Variants in MAPK10 observed in about 807,000 individuals in gnomAD.
The protein encoded by MAPK10 is JNK3 alpha protein kinase.
A neutral mutation model predicts 59.3 loss-of-function variants in MAPK10; 25 were observed. That is an observed-to-expected ratio of 0.42 (90% confidence interval 0.31 to 0.59). The LOEUF (loss-of-function observed/expected upper bound fraction) is 0.59, where lower values mean the gene tolerates loss of function less well. Ranked by LOEUF, MAPK10 falls within the 20% of genes least tolerant of loss-of-function variation. The pLI, the probability that MAPK10 is intolerant of heterozygous loss-of-function variation, is 0.15. For synonymous variants in MAPK10, 190 were observed against 200.5 expected, an observed-to-expected ratio of 0.95 and a Z score of 0.44; for missense variants, 351 against 568.9, an observed-to-expected ratio of 0.62 and a Z score of 3.90.
chr4:86,455,813 A>T (rs1379129364), upstream of MAPK10, among the ~76,000 whole-genome samples: 1 of 152,216 alleles, frequency 6.6e-6, no homozygotes, highest in Non-Finnish European at 1.5e-5. Flanking sequence ...TAGACTTAAC[A>T]GATATTTACA....
rs550174161 is a variant in MAPK10 at position 86,274,317 on chromosome 4, G to A, written c.-6-79910C>T. ...TATCATTTGTGTGAGTTTTTTTCCA[G>A]GAAATCCAAATATCTGGTTCAAAGT... is the stretch of plus-strand genomic sequence containing the variant. On this transcript the variant is annotated intron_variant, in intron 2 of 13. Transcript: ENST00000641462. 1.3e-4 allele frequency among the ~76,000 whole-genome samples: 19 copies of A among 151,780 alleles called. 1 individual carries two copies. The South Asian group carries it at 3.9e-3, about 31-fold the overall frequency.
At chr4:86,549,692 T>TA (rs1759602785) in intron 1 of MAPK10, among the ~76,000 whole-genome samples, 1 of 152,118 alleles carries the variant, frequency 6.6e-6, no homozygotes, top group African/African-American at 2.4e-5. Context: ...ATGAAGAGCA[T>TA]GTTAGACCAG....
At chr4:86,299,755 GAA>G (rs2095433703) in intron 2 of MAPK10, among the ~76,000 whole-genome samples, 1 of 152,078 alleles carries the variant, frequency 6.6e-6, no homozygotes, top group Non-Finnish European at 1.5e-5. Context: ...AAGCATCCAG[GAA>G]AAGAGTTTAA....
At chr4:86,477,887 C>T (rs1372843546) in intron 1 of MAPK10, among the ~76,000 whole-genome samples, 1 of 152,170 alleles carries the variant, frequency 6.6e-6, no homozygotes, top group Non-Finnish European at 1.5e-5. Context: ...CCTCTCTTTG[C>T]TTTCACTTGG....
chr4:86,476,524 C>T (rs1753106378), intron 1 of MAPK10, among the ~76,000 whole-genome samples: 1 of 152,162 alleles, frequency 6.6e-6, no homozygotes, highest in South Asian at 2.1e-4. Flanking sequence ...GGCAGCAACC[C>T]TGAGACGCTT....
intron 3 of MAPK10, among the ~76,000 whole-genome samples, chr4:86,159,775 C>T (rs921979970): frequency 3.3e-5 from 5 of 151,898 alleles, no homozygotes; most frequent in Non-Finnish European, 7.4e-5. Context: ...ATAGAATAAA[C>T]ATCTATAGCT....
chr4:86,545,356 T>TAAA (rs1759064837), intron 1 of MAPK10, among the ~76,000 whole-genome samples: 1 of 152,154 alleles, frequency 6.6e-6, no homozygotes, highest in Non-Finnish European at 1.5e-5. Flanking sequence ...AGAGGATCTT[T>TAAA]GGTAAGACAG....
chr4:86,195,630 G>T (rs2081113276), intron 2 of MAPK10, among the ~76,000 whole-genome samples: 1 of 152,120 alleles, frequency 6.6e-6, no homozygotes, highest in Non-Finnish European at 1.5e-5. Context: ...ATGCAGGTTT[G>T]TTACATAGGT....
chr4:86,389,858 T>C (rs1741970717), intron 1 of MAPK10, among the ~76,000 whole-genome samples: 1 of 152,184 alleles, frequency 6.6e-6, no homozygotes, highest in Non-Finnish European at 1.5e-5. Context: ...GGGATTTGAA[T>C]TGCTAATATT....
At chr4:86,486,706 CA>C (rs1322942341) in intron 1 of MAPK10, among the ~76,000 whole-genome samples, 7 of 152,014 alleles carry the variant, frequency 4.6e-5, no homozygotes, top group African/African-American at 1.5e-4. Context: ...ATGCAAAGTC[CA>C]GGGGGAAAAG....
chr4:86,471,578 G>A (rs193117174), intron 1 of MAPK10, among the ~76,000 whole-genome samples: 1 of 152,120 alleles, frequency 6.6e-6, no homozygotes, highest in Non-Finnish European at 1.5e-5. Flanking sequence ...TATAAAAATG[G>A]TTGTTTCCTG....
chr4:86,554,927 A>T (rs1204490140), intron 1 of MAPK10, among the ~76,000 whole-genome samples: 1 of 152,144 alleles, frequency 6.6e-6, no homozygotes, highest in Non-Finnish European at 1.5e-5. Context: ...CTTCTCATAT[A>T]TCTTTTCAAA....
chr4:86,382,588 G>A (rs915921612), intron 1 of MAPK10, among the ~76,000 whole-genome samples: 30 of 152,152 alleles, frequency 2.0e-4, no homozygotes, highest in Admixed American at 1.6e-3. Flanking sequence ...AAGTCGGAGC[G>A]CAATAAACAC....
At chr4:86,095,977 G>T (rs2054145603) in intron 9 of MAPK10, among the ~76,000 whole-genome samples, 1 of 151,776 alleles carries the variant, frequency 6.6e-6, no homozygotes, top group South Asian at 2.1e-4. Context: ...TTTAACTTAA[G>T]TAAAAGGCTT....
chr4:86,200,938 T>C (rs1169778722), intron 2 of MAPK10, among the ~76,000 whole-genome samples: 2 of 151,882 alleles, frequency 1.3e-5, no homozygotes, highest in Non-Finnish European at 2.9e-5. Flanking sequence ...GAACACTAAA[T>C]CTTATTGCTT....
intron 2 of MAPK10, among the ~76,000 whole-genome samples, chr4:86,257,058 A>G (rs1261791177): frequency 2.0e-5 from 3 of 152,160 alleles, no homozygotes; most frequent in African/African-American, 7.2e-5. Flanking sequence ...ATAGCTGGCC[A>G]TGCTATCTCA....
chr4:86,586,956 G>A (rs370506862), intron 1 of MAPK10, among the ~76,000 whole-genome samples: 48 of 152,174 alleles, frequency 3.2e-4, no homozygotes, highest in Middle Eastern at 6.8e-3. Flanking sequence ...TCTTCAGAAC[G>A]AAAAAATTAA....
rs1579470768 is a variant in MAPK10 at position 86,522,359 on chromosome 4, A to G, written c.-263+71551T>C. Among the ~76,000 whole-genome samples the G allele has an allele frequency of 1.3e-5, 2 of 152,360 alleles. 1 individual carries two copies. The highest frequency in any genetic ancestry group is 4.1e-4 in the South Asian group (2 of 4,828). On this transcript the variant is annotated intron_variant, in intron 1 of 4. Coordinates refer to the MAPK10 transcript ENST00000502302. ...GCTCTAGTATAAGCTTGTTAAATGAATGATGAAACGAGGTTGGAGCTAGAA... is the reference window on the plus strand; with the variant it reads ...GCTCTAGTATAAGCTTGTTAAATGAGTGATGAAACGAGGTTGGAGCTAGAA...
At chr4:86,580,299 G>A (rs1762173604) in intron 1 of MAPK10, among the ~76,000 whole-genome samples, 1 of 152,078 alleles carries the variant, frequency 6.6e-6, no homozygotes, top group Non-Finnish European at 1.5e-5. Context: ...AGGAGTTTGA[G>A]ATCAGCCTGA....
Sources: gnomAD v4.1 joint callset for allele counts (sites outside exome capture counted in the v4.1 genomes callset) on GRCh38, gnomAD v4.1.1 for gene constraint, MANE v1.5 for transcripts, NCBI Gene and HGNC (gene_info 2026-07-23, HGNC 2026-07-21) for gene names.